TULP4: variants seen among roughly 807,000 people sequenced by gnomAD.
TULP4 encodes TUB like protein 4, also known as tubby-related protein 4.
Under a neutral mutation model 129.0 loss-of-function variants are expected in TULP4, and 16 were observed. The observed-to-expected ratio is 0.12, with a 90% CI of 0.08 to 0.19. TULP4 has a LOEUF of 0.19. Ranked by LOEUF, TULP4 falls within the 10% of genes least tolerant of loss-of-function variation. The pLI is 1.00. For synonymous variants in TULP4, 998 were observed against 854.0 expected (o/e 1.17, Z -2.94); for missense variants, 1,842 against 2,059.1 (o/e 0.89, Z 2.04).
chr6:158,479,830 G>A lies in TULP4; in HGVS notation c.1106G>A (p.Arg369His), dbSNP rs757333877. ...MASGPALYVVRVEHRVSSLQL... is the reference protein window; with the variant it reads ...MASGPALYVVHVEHRVSSLQL... ...TCAGGACCAGCCCTGTACGTGGTGC[G>A]TGTGGAGCACCGGGTGTCCAGCCTG... The change falls in exon 7 of 14, where the codon CGT (arginine) becomes CAT (histidine). Residue 369 changes from arginine to histidine, a missense_variant. Arg to His is a conservative substitution (Grantham distance 29, BLOSUM62 0). Coordinates refer to ENST00000367097, the MANE Select transcript of TULP4 (RefSeq NM_020245.5). The A allele has an allele frequency of 6.8e-6, 11 of 1,614,064 alleles. No homozygotes were observed. Among genetic ancestry groups the A allele is most frequent in the Non-Finnish European group, 6.8e-6 (8 of 1,180,032 alleles).
chr6:158,250,534 T>C (rs1403883476), intron 1 of TULP4, among the ~76,000 whole-genome samples: 1 of 152,232 alleles, frequency 6.6e-6, no homozygotes, highest in Non-Finnish European at 1.5e-5. Context: ...TCTATAAATT[T>C]ATTGTAAAAT....
intron 6 of TULP4, among the ~76,000 whole-genome samples, chr6:158,465,433 T>G (rs1023031374): frequency 6.6e-6 from 1 of 152,216 alleles, no homozygotes; most frequent in African/African-American, 2.4e-5. Context: ...CTTTCGGCTG[T>G]TGTGAATAAT....
At chr6:158,418,042 A>G (rs1193162408) in intron 2 of TULP4, among the ~76,000 whole-genome samples, 19 of 151,406 alleles carry the variant, frequency 1.3e-4, no homozygotes, top group South Asian at 2.1e-4. Context: ...GAGCATTGCA[A>G]CCTTCTGCAG....
chr6:158,444,634 A>T (rs1188499798), intron 3 of TULP4, among the ~76,000 whole-genome samples: 1 of 152,218 alleles, frequency 6.6e-6, no homozygotes, highest in East Asian at 1.9e-4. Context: ...TGTGGCTTCC[A>T]AAATAGAAAT....
intron 1 of TULP4, among the ~76,000 whole-genome samples, chr6:158,285,414 G>T (rs1473600052): frequency 6.6e-6 from 1 of 152,132 alleles, no homozygotes. Flanking sequence ...TTTTGGCAAC[G>T]TAAGGAAACA....
chr6:158,361,692 A>G (rs1196590693), intron 1 of TULP4, among the ~76,000 whole-genome samples: 1 of 152,248 alleles, frequency 6.6e-6, no homozygotes, highest in Non-Finnish European at 1.5e-5. Context: ...GACCTGAACT[A>G]TACAGAACTG....
At chr6:158,309,030 G>T (rs1375475974), upstream of TULP4, among the ~76,000 whole-genome samples, 1 of 143,132 alleles carries the variant, frequency 7.0e-6, no homozygotes, top group Non-Finnish European at 1.5e-5. Flanking sequence ...CCTGGCGGGG[G>T]CTGACCCCCA....
intron 1 of TULP4, among the ~76,000 whole-genome samples, chr6:158,381,836 G>T (rs942211082): frequency 3.9e-5 from 6 of 152,164 alleles, no homozygotes; most frequent in Admixed American, 3.9e-4. Context: ...TCAGGTAAAT[G>T]AATTTTCTCT....
intron 1 of TULP4, among the ~76,000 whole-genome samples, chr6:158,410,842 C>G (rs1429769866): frequency 6.6e-6 from 1 of 151,936 alleles, no homozygotes; most frequent in South Asian, 2.1e-4. Context: ...GGTTTGTTGC[C>G]CTGCTCCCCA....
In TULP4 at chr6:158,461,314, G is replaced by A. The variant is rs529954889; in HGVS notation, c.860-249G>A. Among the ~76,000 whole-genome samples the A allele has an allele frequency of 2.6e-3, 392 of 152,106 alleles. 5 individuals are homozygous for A. Among genetic ancestry groups the A allele is most frequent in the African/African-American group, 9.2e-3 (382 of 41,488 alleles). On this transcript the variant is annotated intron_variant, in intron 5 of 13. Coordinates refer to ENST00000367097, the MANE Select transcript of TULP4 (RefSeq NM_020245.5). ...TAGTCCCAGCTACTCGGGAGGCTGA[G>A]GCAGGAGAATCGCTTGAACCCAGGA...
rs545685264 is a variant in TULP4, at chr6:158,331,510, A to G, written c.252+17242A>G. ...GTGGTAGGTGGGCACCTCTTTATTT[A>G]TTTTCTAGCTTAACAAGATGTTTCA... is the stretch of plus-strand genomic sequence containing the variant. On this transcript the variant is annotated intron_variant, in intron 1 of 13. Transcript: ENST00000367097. 4.7e-5 allele frequency among the ~76,000 whole-genome samples: 7 copies of G among 150,472 alleles called. No individual in the cohort carries two copies. In the East Asian group the frequency reaches 1.2e-3, roughly 26 times the overall value.
chr6:158,251,611 CTG>C (rs1215632387), intron 1 of TULP4, among the ~76,000 whole-genome samples: 5 of 152,138 alleles, frequency 3.3e-5, no homozygotes, highest in Admixed American at 6.5e-5. Context: ...TTATGAGTAA[CTG>C]TATTTTATTT....
intron 1 of TULP4, among the ~76,000 whole-genome samples, chr6:158,323,952 A>G (rs1295825820): frequency 2.0e-5 from 3 of 146,616 alleles, no homozygotes; most frequent in Non-Finnish European, 4.5e-5. Flanking sequence ...TATGCAGGTC[A>G]TTTTTGCTTA....
intron 1 of TULP4, among the ~76,000 whole-genome samples, chr6:158,327,222 AC>A (rs1296231822): frequency 6.6e-6 from 1 of 152,174 alleles, no homozygotes; most frequent in African/African-American, 2.4e-5. Context: ...TTTATATGTG[AC>A]CTAAAAAACA....
rs948677210 is a variant in TULP4, at chr6:158,373,752, T to C, written c.253-39313T>C. On this transcript the variant is annotated intron_variant, in intron 1 of 13. Transcript: ENST00000367097. ...TAATACTCATTCATCAACTACCTTG[T>C]CATATAGTGTGTTTGTAGCATTCTT... Among the ~76,000 whole-genome samples the C allele has an allele frequency of 2.0e-5, 3 of 152,344 alleles. No homozygotes were observed. In the East Asian group the frequency reaches 5.8e-4, roughly 29 times the overall value.
At position 158,440,183 on chromosome 6, in the gene TULP4, G is replaced by C. The variant is rs1778854514; in HGVS notation, c.544-8813G>C. 2.0e-5 allele frequency among the ~76,000 whole-genome samples: 3 copies of C among 151,884 alleles called. No homozygotes were observed. In the South Asian group the frequency reaches 6.3e-4, roughly 32 times the overall value. The stretch of plus-strand genomic sequence containing the variant: ...AAAAATACAAAAATTATCCGGGTGT[G>C]GGGGCACACATATAGTCTCAGCTAC... On this transcript the variant is annotated intron_variant, in intron 3 of 13. Transcript: ENST00000367097.
At chr6:158,233,426 A>G (rs1777635102) in intron 1 of TULP4, among the ~76,000 whole-genome samples, 1 of 152,236 alleles carries the variant, frequency 6.6e-6, no homozygotes, top group Admixed American at 6.5e-5. Flanking sequence ...AACCCGTTGC[A>G]GGTGTGGGTG....
chr6:158,468,777 C>T (rs1163715549), intron 6 of TULP4, among the ~76,000 whole-genome samples: 1 of 152,174 alleles, frequency 6.6e-6, no homozygotes, highest in Non-Finnish European at 1.5e-5. Context: ...GATCCAGGCA[C>T]TGATAGATTC....
upstream of TULP4, among the ~76,000 whole-genome samples, chr6:158,309,857 T>G (rs1318195210): frequency 7.6e-6 from 1 of 132,126 alleles, no homozygotes; most frequent in East Asian, 2.6e-4. Flanking sequence ...CAGCTTCGGC[T>G]TGGCATCAGA....
Sources: gnomAD v4.1 joint callset for allele counts (sites outside exome capture counted in the v4.1 genomes callset) on GRCh38, gnomAD v4.1.1 for gene constraint, MANE v1.5 for transcripts, NCBI Gene and HGNC (gene_info 2026-07-23, HGNC 2026-07-21) for gene names.